JAKMIP1: variants seen among roughly 807,000 people sequenced by gnomAD.
The protein encoded by JAKMIP1 is janus kinase and microtubule interacting protein 1, also known as janus kinase and microtubule-interacting protein 1.
In JAKMIP1, 33 loss-of-function variants were observed where a neutral mutation model predicts 113.0. That is an observed-to-expected ratio of 0.29 (90% CI 0.22 to 0.39). The LOEUF is 0.39. JAKMIP1 is among the 10% of genes least tolerant of loss of function. The pLI is 1.00. For missense variants in JAKMIP1, 813 were observed against 1,080.5 expected (o/e 0.75, Z 3.47); for synonymous variants, 480 against 459.9 (o/e 1.04, Z -0.56).
At chr4:6,171,177 C>CCACCACCATCACCATCAT (rs367709880) in intron 1 of JAKMIP1, among the ~76,000 whole-genome samples, 6 of 150,358 alleles carry the variant, frequency 4.0e-5, no homozygotes, top group African/African-American at 9.9e-5. Flanking sequence ...ATCACCATTA[C>CCACCACCATCACCATCAT]CACCACCATC....
chr4:6,078,095 G>A (rs1270575582), intron 8 of JAKMIP1, among the ~76,000 whole-genome samples: 1 of 152,042 alleles, frequency 6.6e-6, no homozygotes, highest in African/African-American at 2.4e-5. Flanking sequence ...GGGCACTTGT[G>A]TTCAATAAAA....
In JAKMIP1 at chr4:6,158,498, G is replaced by C. The variant is rs1479655296; in HGVS notation, c.-148+41755C>G. ...AGAGCAAATTTTGGAGTAAAATAAAGGGCTGGGGCTTGGGTTTGAAGTCAC... is the reference window on the plus strand; with the variant it reads ...AGAGCAAATTTTGGAGTAAAATAAACGGCTGGGGCTTGGGTTTGAAGTCAC... On this transcript the variant is annotated intron_variant, in intron 1 of 20. Transcript: ENST00000409021. This position sits in a 1 kb window ranked among gnomAD's most constrained non-coding sequence, Gnocchi z 5.3. Among the ~76,000 whole-genome samples, 1 of 152,090 alleles carries C rather than the reference G, an allele frequency of 6.6e-6. No homozygotes were observed. Among genetic ancestry groups the C allele is most frequent in the African/African-American group, 2.4e-5 (1 of 41,428 alleles).
Position 6,199,530 on chromosome 4 carries a change from C to G in JAKMIP1, c.-148+723G>C, listed in dbSNP as rs370542501. Among the ~76,000 whole-genome samples the G allele has an allele frequency of 4.6e-5, 7 of 152,130 alleles. No homozygotes were observed. Among genetic ancestry groups the G allele is most frequent in the African/African-American group, 1.7e-4 (7 of 41,452 alleles). ...CTGGCACCACGAGAGTCAATCCTTGCGCGCCATCTCCGGAGGCCAGTGCGC... is the reference window on the plus strand; with the variant it reads ...CTGGCACCACGAGAGTCAATCCTTGGGCGCCATCTCCGGAGGCCAGTGCGC... On this transcript the variant is annotated intron_variant, in intron 1 of 20. Transcript: ENST00000409021. This position sits in a 1 kb window ranked among gnomAD's most constrained non-coding sequence, Gnocchi z 5.6.
chr4:6,090,033 C>T (rs1487511288), intron 3 of JAKMIP1, among the ~76,000 whole-genome samples: 1 of 151,996 alleles, frequency 6.6e-6, no homozygotes, highest in African/African-American at 2.4e-5. Flanking sequence ...ACCAACCTGG[C>T]CAACATGGTG....
At chr4:6,191,890 A>G (rs565081855) in intron 1 of JAKMIP1, among the ~76,000 whole-genome samples, 67 of 137,138 alleles carry the variant, frequency 4.9e-4, no homozygotes, top group African/African-American at 1.7e-3. Context: ...TTTTTTTCAT[A>G]CGTCTTCAAG....
intron 1 of JAKMIP1, among the ~76,000 whole-genome samples, chr4:6,133,387 T>C (rs146344429): frequency 1.3e-5 from 2 of 152,352 alleles, no homozygotes; most frequent in Non-Finnish European, 2.9e-5. Flanking sequence ...CTCCGTATTA[T>C]TTATACTTTC....
chr4:6,137,445 T>C lies in JAKMIP1; in HGVS notation c.-147-24448A>G, dbSNP rs1316008133. On this transcript the variant is annotated intron_variant, in intron 1 of 20. Transcript: ENST00000409021. The surrounding 1 kb of genome is among the most constrained non-coding windows in gnomAD (Gnocchi z 4.5). ...CTTAATCACGTCACACCTGATACAG[T>C]TCCTGAAAAGTCGTCTCACACCCTG... Among the ~76,000 whole-genome samples the C allele has an allele frequency of 6.6e-6, 1 of 152,130 alleles. No homozygotes were observed. Among genetic ancestry groups the C allele is most frequent in the Non-Finnish European group, 1.5e-5 (1 of 68,032 alleles).
At position 6,141,103 on chromosome 4, in the gene JAKMIP1, T is replaced by G. The variant is rs769486724; in HGVS notation, c.-147-28106A>C. ...CCTCAGTCAGTCACTACCATCCTAA[T>G]TGTATCGCGTAGAATGAGAAGCAGC... On this transcript the variant is annotated intron_variant, in intron 1 of 20. Coordinates refer to ENST00000409021, the MANE Select transcript of JAKMIP1 (RefSeq NM_001099433.2). The surrounding 1 kb of genome is among the most constrained non-coding windows in gnomAD (Gnocchi z 9.4). Among the ~76,000 whole-genome samples, 7 of 152,120 alleles carry G rather than the reference T, an allele frequency of 4.6e-5. No individual in the cohort carries two copies. Among genetic ancestry groups the G allele is most frequent in the Non-Finnish European group, 8.8e-5 (6 of 68,032 alleles).
chr4:6,150,373 C>T lies in JAKMIP1; in HGVS notation c.-147-37376G>A, dbSNP rs1015008037. On this transcript the variant is annotated intron_variant, in intron 1 of 20. Transcript: ENST00000409021. The surrounding 1 kb of genome is among the most constrained non-coding windows in gnomAD (Gnocchi z 4.8). ...GGAGACCAGGGGCTGAGGTTGGCCC[C>T]CGGTGTCAGCTTCTAACTAAAAGCC... The T allele has an allele frequency of 6.6e-6, 1 of 152,238 alleles. No homozygotes were observed. Among genetic ancestry groups the T allele is most frequent in the Admixed American group, 6.5e-5 (1 of 15,282 alleles). 9.4% of individuals were successfully genotyped at this position (152,238 alleles called of 1,614,324 possible).
Position 6,192,077 on chromosome 4 carries a change from C to T in JAKMIP1, c.-148+8176G>A, listed in dbSNP as rs578231372. ...CCTCCCGAGTAGTTGGGATTACAGGCGTGTGCCACCATGCCCAGCTAATTT... is the reference window on the plus strand; with the variant it reads ...CCTCCCGAGTAGTTGGGATTACAGGTGTGTGCCACCATGCCCAGCTAATTT... On this transcript the variant is annotated intron_variant, in intron 1 of 20. Transcript: ENST00000409021. This position sits in a 1 kb window ranked among gnomAD's most constrained non-coding sequence, Gnocchi z 5.0. Among the ~76,000 whole-genome samples the T allele has an allele frequency of 5.9e-5, 9 of 152,134 alleles. No homozygotes were observed. The East Asian group carries it at 9.7e-4, about 16-fold the overall frequency.
Position 6,142,196 on chromosome 4 carries a change from G to A in JAKMIP1, c.-147-29199C>T, listed in dbSNP as rs1226287303. ...TACCTCATTCCATCCTGGATTTAGGGACACTTTGGTTATTTCTGAGGATTT... is the reference window on the plus strand; with the variant it reads ...TACCTCATTCCATCCTGGATTTAGGAACACTTTGGTTATTTCTGAGGATTT... On this transcript the variant is annotated intron_variant, in intron 1 of 20. Coordinates refer to ENST00000409021, the MANE Select transcript of JAKMIP1 (RefSeq NM_001099433.2). The surrounding 1 kb of genome is among the most constrained non-coding windows in gnomAD (Gnocchi z 5.5). Among the ~76,000 whole-genome samples, 1 of 152,160 alleles carries A rather than the reference G, an allele frequency of 6.6e-6. No individual in the cohort carries two copies. The highest frequency in any genetic ancestry group is 1.5e-5 in the Non-Finnish European group (1 of 68,034).
At chr4:6,052,282 C>T (rs893462976) in intron 13 of JAKMIP1, among the ~76,000 whole-genome samples, 1 of 151,964 alleles carries the variant, frequency 6.6e-6, no homozygotes, top group African/African-American at 2.4e-5. Flanking sequence ...TGACTTTCTA[C>T]CAGCAAATTT....
At chr4:6,026,535 G>A (rs1298191981) in intron 20 of JAKMIP1, among the ~76,000 whole-genome samples, 2 of 152,120 alleles carry the variant, frequency 1.3e-5, no homozygotes, top group East Asian at 3.9e-4. Flanking sequence ...TCATTCAGGG[G>A]AGATTGACAC....
intron 16 of JAKMIP1, among the ~76,000 whole-genome samples, chr4:6,043,007 G>A (rs1224518897): frequency 6.6e-6 from 1 of 152,032 alleles, no homozygotes; most frequent in Non-Finnish European, 1.5e-5. Flanking sequence ...ATACGTGGAT[G>A]TGCCTCTACG....
intron 1 of JAKMIP1, among the ~76,000 whole-genome samples, chr4:6,172,928 C>T (rs946271704): frequency 2.6e-5 from 4 of 152,180 alleles, no homozygotes; most frequent in Non-Finnish European, 4.4e-5. Flanking sequence ...GGAGGAATCT[C>T]GTAATCAGAT....
chr4:6,131,469 C>A (rs1309835195), intron 1 of JAKMIP1, among the ~76,000 whole-genome samples: 1 of 151,796 alleles, frequency 6.6e-6, no homozygotes, highest in Non-Finnish European at 1.5e-5. Flanking sequence ...GTGGCTCATG[C>A]CTGTAATCCC....
chr4:6,070,262 A>G (rs1718769929), intron 8 of JAKMIP1: 3 of 395,662 alleles, frequency 7.6e-6, no homozygotes, highest in Admixed American at 4.4e-5. Context: ...GTCCAAGGAA[A>G]AAGCACCAAT....
intron 1 of JAKMIP1, among the ~76,000 whole-genome samples, chr4:6,132,994 C>G (rs1259913919): frequency 6.6e-6 from 1 of 152,084 alleles, no homozygotes; most frequent in Non-Finnish European, 1.5e-5. Flanking sequence ...TTGACACAAT[C>G]TCTAAACTAC....
intron 16 of JAKMIP1, among the ~76,000 whole-genome samples, chr4:6,043,279 C>A (rs1174365082): frequency 3.9e-5 from 6 of 152,144 alleles, no homozygotes; most frequent in African/African-American, 1.4e-4. Context: ...TGACTCCAGG[C>A]CTTGGCTGCA....
Sources: allele counts gnomAD v4.1 joint callset (sites outside exome capture counted in the v4.1 genomes callset), GRCh38; gene constraint gnomAD v4.1.1; non-coding constraint Gnocchi (gnomAD v3.1); transcripts MANE v1.5; gene names NCBI Gene and HGNC (gene_info 2026-07-23, HGNC 2026-07-21).